Variants in POLR3E observed in about 807,000 individuals in gnomAD.
POLR3E encodes DNA-directed RNA polymerase III subunit RPC5.
A neutral mutation model predicts 96.6 loss-of-function variants in POLR3E; 41 were observed. The observed-to-expected ratio is 0.42, with a 90% CI of 0.33 to 0.55. The LOEUF is 0.55. POLR3E is among the 20% of genes least tolerant of loss of function. The pLI is 0.06. For synonymous variants in POLR3E, 396 were observed against 383.6 expected (o/e 1.03, Z -0.38); for missense variants, 849 against 952.1 (o/e 0.89, Z 1.43).
At chr16:22,317,687 TAAAGG>T (rs1598260516) in intron 12 of POLR3E, among the ~76,000 whole-genome samples, 1 of 151,854 alleles carries the variant, frequency 6.6e-6, no homozygotes, top group East Asian at 1.9e-4. Context: ...AAGGTTTTTT[TAAAGG>T]TTTTAAAGGT....
chr16:22,330,383 C>A lies in POLR3E; in HGVS notation c.1945-1677C>A, dbSNP rs74012313. Among the ~76,000 whole-genome samples the A allele has an allele frequency of 4.5e-3, 686 of 152,320 alleles. 7 individuals are homozygous for A. The highest frequency in any genetic ancestry group is 0.016 in the African/African-American group (663 of 41,564). ...TACAAGCGTGAGCCACCACACCAGG[C>A]CTTTACCTCTTTTTAATTGGCTATC... On this transcript the variant is annotated intron_variant, in intron 19 of 20. Transcript: ENST00000299853.
intron 1 of POLR3E, among the ~76,000 whole-genome samples, chr16:22,301,307 T>G (rs978216499): frequency 6.6e-6 from 1 of 152,050 alleles, no homozygotes; most frequent in Non-Finnish European, 1.5e-5. Flanking sequence ...TTTGTCTAGG[T>G]GTGGTGGCTC....
At position 22,324,509 on chromosome 16, in the gene POLR3E, GC is replaced by G; in HGVS notation, c.1137del (p.Glu380ArgfsTer3). On this transcript the variant is annotated frameshift_variant, in exon 16 of 21. Coordinates refer to ENST00000299853, the MANE Select transcript of POLR3E (RefSeq NM_018119.4). LOFTEE classifies it high-confidence loss of function. ...KEVATVTKLC[A>X]EDVKDFLEHM... ...TGGGCCCCCTCCCCTCCAGCTCTGCGCCGAGGATGTGAAGGACTTCCTGGAG... is the reference window on the plus strand; with the variant it reads ...TGGGCCCCCTCCCCTCCAGCTCTGCGCGAGGATGTGAAGGACTTCCTGGAG... 1 of 1,611,586 alleles carries G rather than the reference GC, an allele frequency of 6.2e-7. No individual in the cohort carries two copies. The highest frequency in any genetic ancestry group is 8.5e-7 in the Non-Finnish European group (1 of 1,178,896).
At chr16:22,301,614 A>G (rs2048023243) in intron 1 of POLR3E, among the ~76,000 whole-genome samples, 1 of 151,546 alleles carries the variant, frequency 6.6e-6, no homozygotes, top group South Asian at 2.1e-4. Context: ...TCAAATGTTA[A>G]GTAGATCAGA....
Position 22,333,984 on chromosome 16 carries a change from T to C in POLR3E, c.*284T>C. 5.4e-6 allele frequency: 2 copies of C among 372,078 alleles called. No individual in the cohort carries two copies. 23.0% of individuals were successfully genotyped at this position (372,078 alleles called of 1,614,324 possible). A position where few individuals can be genotyped will look rare whatever the true frequency, so the allele number is the denominator to read the frequency against. On this transcript the variant is annotated 3_prime_UTR_variant, in exon 21 of 21. Transcript: ENST00000299853. ...TGCTTATTATTTGGTTTCATTCTCA[T>C]AATAAAGAGAGTGTATACTGACATG...
At chr16:22,305,389 T>C (rs2048114064) in intron 3 of POLR3E, 183 bp downstream of exon 3, 3 of 702,468 alleles carry the variant, frequency 4.3e-6, no homozygotes, top group Admixed American at 4.0e-5. Flanking sequence ...ATGGGAAAAC[T>C]GAAGGAACAC....
At position 22,333,963 on chromosome 16, in the gene POLR3E, T is replaced by A; in HGVS notation, c.*263T>A. On this transcript the variant is annotated 3_prime_UTR_variant, in exon 21 of 21. Transcript: ENST00000299853. Reference sequence around the variant, plus strand: ...TTTGAAATTCCTGATGTATTTTGCTTATTATTTGGTTTCATTCTCATAATA... The same window carrying A: ...TTTGAAATTCCTGATGTATTTTGCTAATTATTTGGTTTCATTCTCATAATA... The A allele has an allele frequency of 2.5e-6, 1 of 403,932 alleles. No homozygotes were observed. The highest frequency in any genetic ancestry group is 3.6e-5 in the East Asian group (1 of 28,016). 25.0% of individuals were successfully genotyped at this position (403,932 alleles called of 1,614,324 possible). A position where few individuals can be genotyped will look rare whatever the true frequency, so the allele number is the denominator to read the frequency against.
Position 22,326,131 on chromosome 16 carries a change from G to A in POLR3E, c.1719G>A (p.Gln573=), listed in dbSNP as rs1480986030. ...TCGTGGAGGCCACCTTTCAGAGACA[G>A]TTTGTGCTCACGCTGAGCGAACTCA... ...KAFVEATFQR[Q]FVLTLSELKR... The change falls in exon 18 of 21, where the codon CAG becomes CAA. Residue 573 remains glutamine (Q), a synonymous_variant. Transcript: ENST00000299853. 6.2e-7 allele frequency: 1 copy of A among 1,614,014 alleles called. No individual in the cohort carries two copies. Among genetic ancestry groups the A allele is most frequent in the Non-Finnish European group, 8.5e-7 (1 of 1,180,030 alleles).
In POLR3E at chr16:22,325,853, C is replaced by T. The variant is rs1403176455; in HGVS notation, c.1441C>T (p.Arg481Trp). Reference sequence around the variant, plus strand: ...CGCGTTGCTGGAGCGGGAGCTGCAGCGGCGGAAGGAGCAGCTGCGGGTGCC... The same window carrying T: ...CGCGTTGCTGGAGCGGGAGCTGCAGTGGCGGAAGGAGCAGCTGCGGGTGCC... ...NHALLERELQ[R>W]RKEQLRVPAV... is the part of the protein sequence containing the mutation. Residue 481 changes from arginine to tryptophan, a missense_variant, in exon 18 of 21, where the codon CGG becomes TGG. Physicochemically the swap from Arg to Trp is moderately radical, Grantham distance 101. Coordinates refer to ENST00000299853, the MANE Select transcript of POLR3E (RefSeq NM_018119.4). 3.7e-6 allele frequency: 6 copies of T among 1,611,904 alleles called. No individual in the cohort carries two copies. The highest frequency in any genetic ancestry group is 5.1e-6 in the Non-Finnish European group (6 of 1,179,388).
intron 3 of POLR3E, chr16:22,305,549 G>A: frequency 3.9e-6 from 2 of 515,392 alleles, no homozygotes; most frequent in South Asian, 3.1e-5. Flanking sequence ...AGTGGTGATG[G>A]TGATAATGCC....
intron 13 of POLR3E, among the ~76,000 whole-genome samples, chr16:22,320,253 C>T (rs1254501264): frequency 6.6e-6 from 1 of 152,012 alleles, no homozygotes; most frequent in East Asian, 1.9e-4. Context: ...GAAGAGAGCA[C>T]AGGATTGGTG....
At chr16:22,312,583 G>A (rs775854016) in intron 6 of POLR3E, among the ~76,000 whole-genome samples, 4 of 151,496 alleles carry the variant, frequency 2.6e-5, no homozygotes, top group Non-Finnish European at 4.4e-5. Context: ...AGTACAAGGC[G>A]CGGCCGGGCG....
chr16:22,318,941 G>A lies in POLR3E; in HGVS notation c.981G>A (p.Val327=), dbSNP rs774471519. The change falls in exon 13 of 21, where the codon GTG becomes GTA. Residue 327 remains valine, a synonymous_variant. Coordinates refer to ENST00000299853, the MANE Select transcript of POLR3E (RefSeq NM_018119.4). The surrounding 1 kb of genome is among the most constrained non-coding windows in gnomAD (Gnocchi z 5.0). ...TGTTGGTCCAAGGGAACTGGGTGGTGAAGAGGTAAGTTGCTTTTTTTATTT... is the reference window on the plus strand; with the variant it reads ...TGTTGGTCCAAGGGAACTGGGTGGTAAAGAGGTAAGTTGCTTTTTTTATTT... ...VAMLVQGNWV[V]KSDILYPKDS... 3 of 1,604,564 alleles carry A rather than the reference G, an allele frequency of 1.9e-6. No homozygotes were observed. The highest frequency in any genetic ancestry group is 2.6e-6 in the Non-Finnish European group (3 of 1,175,794).
rs537464884 is a variant in POLR3E at position 22,328,800 on chromosome 16, A to C, written c.1944+213A>C. The C allele has an allele frequency of 2.8e-5, 15 of 539,704 alleles. No homozygotes were observed. The African/African-American group carries it at 2.9e-4, about 10-fold the overall frequency. The allele number at this position is 539,704 out of a possible 1,614,324, so 33.4% of individuals were successfully genotyped here. A position where few individuals can be genotyped will look rare whatever the true frequency, so the allele number is the denominator to read the frequency against. Reference sequence around the variant, plus strand: ...CCTAAACCAGTGGTTCCCAGATGCCAGTCTGTGAGCCAGCTCCATCAGAAT... The same window carrying C: ...CCTAAACCAGTGGTTCCCAGATGCCCGTCTGTGAGCCAGCTCCATCAGAAT... On this transcript the variant is annotated intron_variant, in intron 19 of 20. Transcript: ENST00000299853.
intron 13 of POLR3E, among the ~76,000 whole-genome samples, chr16:22,321,192 C>T (rs2048464862): frequency 1.3e-5 from 2 of 152,170 alleles, no homozygotes; most frequent in Non-Finnish European, 2.9e-5. Context: ...CTGGATATTA[C>T]CAGTGCAGAC....
At chr16:22,312,739 C>T (rs937711013) in intron 6 of POLR3E, among the ~76,000 whole-genome samples, 12 of 151,492 alleles carry the variant, frequency 7.9e-5, no homozygotes, top group Non-Finnish European at 1.6e-4. Flanking sequence ...TGGTGGCACA[C>T]ACCTGTAGTC....
intron 16 of POLR3E, 90 bp from the exon 17 acceptor site, chr16:22,325,115 T>C: frequency 1.0e-6 from 1 of 982,840 alleles, no homozygotes; most frequent in Non-Finnish European, 1.6e-6. Context: ...GTAACCAGCG[T>C]GTCCTGGGGC....
In POLR3E at chr16:22,297,411, G is replaced by C. The variant is rs1164644170; in HGVS notation, c.-165G>C. The C allele has an allele frequency of 6.6e-6, 1 of 152,420 alleles. No individual in the cohort carries two copies. Among genetic ancestry groups the C allele is most frequent in the Non-Finnish European group, 1.5e-5 (1 of 68,208 alleles). The allele number at this position is 152,420 out of a possible 1,614,324, so 9.4% of individuals were successfully genotyped here. A position where few individuals can be genotyped will look rare whatever the true frequency, so the allele number is the denominator to read the frequency against. ...CTGGGGCCGGCCCGCTCCCCCCCAC[G>C]TGTCCGCCGGAGTTTCTCCACCAGC... On this transcript the variant is annotated 5_prime_UTR_variant, in exon 1 of 21. Transcript: ENST00000299853.
At chr16:22,328,683 C>G (rs1402405088) in intron 19 of POLR3E, 96 bp downstream of exon 19, 2 of 952,720 alleles carry the variant, frequency 2.1e-6, no homozygotes, top group Non-Finnish European at 3.4e-6. Context: ...AGTGCAGCCA[C>G]ACATTTCAGA....
Sources: allele counts gnomAD v4.1 joint callset (sites outside exome capture counted in the v4.1 genomes callset), GRCh38; gene constraint gnomAD v4.1.1; non-coding constraint Gnocchi (gnomAD v3.1); transcripts MANE v1.5; gene names NCBI Gene and HGNC (gene_info 2026-07-23, HGNC 2026-07-21).